The following CDCP1 variants were observed in gnomAD, a reference collection of about 807,000 sequenced individuals.
CDCP1 encodes CUB domain containing protein 1, also known as CUB domain-containing protein 1.
In CDCP1, 29 loss-of-function variants were observed where a neutral mutation model predicts 60.2. The ratio of observed to expected loss-of-function variants is 0.48; its 90% CI spans 0.36 to 0.66. CDCP1 has a LOEUF of 0.66. CDCP1 is among the 30% of genes least tolerant of loss of function. The pLI, the probability that CDCP1 is intolerant of heterozygous loss-of-function variation, is 0.00. For missense variants in CDCP1, 876 were observed against 1,074.3 expected (o/e 0.82, Z 2.58); for synonymous variants, 387 against 431.1 (o/e 0.90, Z 1.27).
chr3:45,137,596 C>T (rs1342627335), intron 1 of CDCP1, among the ~76,000 whole-genome samples: 1 of 145,148 alleles, frequency 6.9e-6, no homozygotes, highest in Non-Finnish European at 1.5e-5. Flanking sequence ...CACCTGAGAT[C>T]AGGAGTTCAA....
intron 1 of CDCP1, among the ~76,000 whole-genome samples, chr3:45,132,848 T>C (rs956226141): frequency 2.0e-5 from 3 of 152,188 alleles, no homozygotes; most frequent in Non-Finnish European, 2.9e-5. Context: ...TGGACAGAAT[T>C]CTAAGATGCC....
chr3:45,141,841 T>C (rs1367252788), intron 1 of CDCP1, among the ~76,000 whole-genome samples: 1 of 113,618 alleles, frequency 8.8e-6, no homozygotes, highest in South Asian at 2.8e-4. Flanking sequence ...AAACTTTTCT[T>C]TTTTTTTTGA....
chr3:45,118,843 G>C (rs4683049), intron 1 of CDCP1, among the ~76,000 whole-genome samples: 124,137 of 152,222 alleles, frequency 0.82, 50,820 homozygotes, highest in Middle Eastern at 0.9. Flanking sequence ...TTCTTGTTTG[G>C]ATTATTAATT....
In CDCP1 at chr3:45,126,171, T is replaced by TTTCC. The variant is rs1553611017; in HGVS notation, c.83-7554_83-7551dup. On this transcript the variant is annotated intron_variant, in intron 1 of 8. Coordinates refer to ENST00000296129, the MANE Select transcript of CDCP1 (RefSeq NM_022842.5). ...CTTTCTTTCTTTCTTTCTTTCTTTC[T>TTTCC]TTCCTTCTTTCTCTCTCTCTCTCTT... Among the ~76,000 whole-genome samples the TTTCC allele has an allele frequency of 9.7e-3, 1,356 of 140,008 alleles. 23 individuals are homozygous for TTTCC. The highest frequency in any genetic ancestry group is 0.041 in the East Asian group (184 of 4,466). 91.9% of individuals were successfully genotyped at this position (140,008 alleles called of 152,430 possible). A position where few individuals can be genotyped will look rare whatever the true frequency, so the allele number is the denominator to read the frequency against.
intron 1 of CDCP1, among the ~76,000 whole-genome samples, chr3:45,143,323 T>C (rs1699326461): frequency 6.6e-6 from 1 of 152,354 alleles, no homozygotes; most frequent in South Asian, 2.1e-4. Flanking sequence ...AGGATAATGG[T>C]TCATCCTTTC....
At position 45,085,434 on chromosome 3, in the gene CDCP1, G is replaced by A. The variant is rs1698170908; in HGVS notation, c.*204C>T. 3 of 591,258 alleles carry A rather than the reference G, an allele frequency of 5.1e-6. No homozygotes were observed. Among genetic ancestry groups the A allele is most frequent in the Middle Eastern group, 4.7e-4 (1 of 2,136 alleles). 36.6% of individuals were successfully genotyped at this position (591,258 alleles called of 1,614,324 possible). A position where few individuals can be genotyped will look rare whatever the true frequency, so the allele number is the denominator to read the frequency against. On this transcript the variant is annotated 3_prime_UTR_variant, in exon 9 of 9. Coordinates refer to ENST00000296129, the MANE Select transcript of CDCP1 (RefSeq NM_022842.5). This position sits in a 1 kb window ranked among gnomAD's most constrained non-coding sequence, Gnocchi z 4.2. ...GAGGAGCACATGAGCTGTCATGACTGTATCCAGATTGGAATTCATCATTTT... is the reference window on the plus strand; with the variant it reads ...GAGGAGCACATGAGCTGTCATGACTATATCCAGATTGGAATTCATCATTTT...
intron 1 of CDCP1, among the ~76,000 whole-genome samples, chr3:45,126,138 C>CTTTCTT (rs1443097979): frequency 7.2e-6 from 1 of 139,062 alleles, no homozygotes; most frequent in South Asian, 2.4e-4. Context: ...TTCTTTCTTT[C>CTTTCTT]TTTCTTTCTT....
chr3:45,122,144 A>AT (rs145595755), intron 1 of CDCP1, among the ~76,000 whole-genome samples: 63,771 of 138,276 alleles, frequency 0.46, 14,738 homozygotes, highest in African/African-American at 0.53. Flanking sequence ...TATAATCTGT[A>AT]TTTTTTTTTT....
chr3:45,112,454 C>G lies in CDCP1; in HGVS notation c.293-9G>C. ...TGGGCCTGACATACAGTCTGAAAAA[C>G]AGTCACAGAAGCAATTTTGATCACA... is the stretch of plus-strand genomic sequence containing the variant. On this transcript the variant is annotated splice_polypyrimidine_tract_variant and intron_variant, in intron 2 of 8. Transcript: ENST00000296129. 1 of 1,608,030 alleles carries G rather than the reference C, an allele frequency of 6.2e-7. No homozygotes were observed. Among genetic ancestry groups the G allele is most frequent in the Non-Finnish European group, 8.5e-7 (1 of 1,175,780 alleles).
chr3:45,110,027 A>G lies in CDCP1; in HGVS notation c.1024+446T>C, dbSNP rs113945809. 8.2e-3 allele frequency among the ~76,000 whole-genome samples: 1,242 copies of G among 152,240 alleles called. 14 individuals carry two copies. The highest frequency in any genetic ancestry group is 0.028 in the African/African-American group (1,152 of 41,532). The stretch of plus-strand genomic sequence containing the variant: ...TTCCCACCTCCCCTACAGGGTTGCA[A>G]TAAAGATTAGCTGAGATTGTGTAAG... On this transcript the variant is annotated intron_variant, in intron 4 of 8. Coordinates refer to ENST00000296129, the MANE Select transcript of CDCP1 (RefSeq NM_022842.5).
chr3:45,092,395 G>A (rs1266082782), intron 6 of CDCP1, among the ~76,000 whole-genome samples: 1 of 152,186 alleles, frequency 6.6e-6, no homozygotes, highest in Non-Finnish European at 1.5e-5. Flanking sequence ...GAACTGCAAA[G>A]CTGAAAGAGC....
chr3:45,110,438 G>C (rs1471075524), intron 4 of CDCP1, 35 bp downstream of exon 4: 5 of 1,607,032 alleles, frequency 3.1e-6, no homozygotes, highest in Non-Finnish European at 4.3e-6. Context: ...GAAGGTGCTG[G>C]AGGAGGAAGA....
At chr3:45,134,768 G>A (rs756339661) in intron 1 of CDCP1, among the ~76,000 whole-genome samples, 1 of 151,998 alleles carries the variant, frequency 6.6e-6, no homozygotes, top group Non-Finnish European at 1.5e-5. Flanking sequence ...GCAACACAAC[G>A]TGGCACACTC....
At chr3:45,116,449 A>G (rs1698791836) in intron 2 of CDCP1, among the ~76,000 whole-genome samples, 1 of 151,814 alleles carries the variant, frequency 6.6e-6, no homozygotes, top group African/African-American at 2.4e-5. Context: ...ATCTATTGAG[A>G]TAATCATATG....
intron 4 of CDCP1, among the ~76,000 whole-genome samples, chr3:45,096,018 C>T (rs746538500): frequency 1.5e-4 from 23 of 152,130 alleles, no homozygotes; most frequent in Non-Finnish European, 3.2e-4. Flanking sequence ...CAAGTTAAAA[C>T]AAAGTGTTAC....
chr3:45,112,458 C>T lies in CDCP1; in HGVS notation c.293-13G>A. Reference sequence around the variant, plus strand: ...CCTGACATACAGTCTGAAAAACAGTCACAGAAGCAATTTTGATCACAGATG... The same window carrying T: ...CCTGACATACAGTCTGAAAAACAGTTACAGAAGCAATTTTGATCACAGATG... On this transcript the variant is annotated splice_polypyrimidine_tract_variant and intron_variant, in intron 2 of 8. Coordinates refer to ENST00000296129, the MANE Select transcript of CDCP1 (RefSeq NM_022842.5). 1 of 1,606,670 alleles carries T rather than the reference C, an allele frequency of 6.2e-7. No individual in the cohort carries two copies. Among genetic ancestry groups the T allele is most frequent in the Non-Finnish European group, 8.5e-7 (1 of 1,175,014 alleles).
chr3:45,132,049 C>T (rs895992123), intron 1 of CDCP1, among the ~76,000 whole-genome samples: 5 of 150,836 alleles, frequency 3.3e-5, no homozygotes, highest in African/African-American at 9.9e-5. Flanking sequence ...GCCTGGCCAA[C>T]ACGGTAAAAC....
At chr3:45,123,242 C>T (rs894278638) in intron 1 of CDCP1, among the ~76,000 whole-genome samples, 4 of 152,142 alleles carry the variant, frequency 2.6e-5, no homozygotes, top group East Asian at 1.9e-4. Flanking sequence ...AGATGTTTAA[C>T]GTCTTAATAT....
At chr3:45,141,003 C>T (rs970652771) in intron 1 of CDCP1, among the ~76,000 whole-genome samples, 12 of 152,150 alleles carry the variant, frequency 7.9e-5, no homozygotes, top group African/African-American at 2.9e-4. Flanking sequence ...GAGTTTGAGG[C>T]CAGCCTGGCC....
Sources: gnomAD v4.1 joint callset for allele counts (sites outside exome capture counted in the v4.1 genomes callset) on GRCh38, gnomAD v4.1.1 for gene constraint, Gnocchi (gnomAD v3.1) non-coding constraint, MANE v1.5 for transcripts, NCBI Gene and HGNC (gene_info 2026-07-23, HGNC 2026-07-21) for gene names.